Variants in UEVLD observed in about 807,000 individuals in gnomAD.
UEVLD encodes the protein ubiquitin-conjugating enzyme E2 variant 3.
Under a neutral mutation model 58.6 loss-of-function variants are expected in UEVLD, and 47 were observed. That is an observed-to-expected ratio of 0.80 (90% CI 0.63 to 1.02). The LOEUF (loss-of-function observed/expected upper bound fraction) is 1.02. UEVLD is among the 50% of genes least tolerant of loss of function. The probability of loss-of-function intolerance (pLI) is 0.00; values close to 1 mark genes in which losing one functional copy is unlikely to be tolerated. For synonymous variants in UEVLD, 197 were observed against 195.3 expected, an observed-to-expected ratio of 1.01 and a Z score of -0.07; for missense variants, 510 against 550.6, an observed-to-expected ratio of 0.93 and a Z score of 0.74.
In UEVLD at chr11:18,532,099, C is replaced by T. The variant is rs2133945893; in HGVS notation, c.*221G>A. The T allele has an allele frequency of 2.7e-6, 1 of 364,572 alleles. No homozygotes were observed. Among genetic ancestry groups the T allele is most frequent in the East Asian group, 4.5e-5 (1 of 22,362 alleles). 22.6% of individuals were successfully genotyped at this position (364,572 alleles called of 1,614,324 possible). A position where few individuals can be genotyped will look rare whatever the true frequency, so the allele number is the denominator to read the frequency against. On this transcript the variant is annotated 3_prime_UTR_variant, in exon 12 of 12. Transcript: ENST00000396197. ...CCCCTGCTGTAGATTTAAAGAACAG[C>T]ATAGATATCTCAAGAACCCCAAATA...
At chr11:18,535,906 G>A (rs1850773778) in intron 10 of UEVLD, among the ~76,000 whole-genome samples, 1 of 152,214 alleles carries the variant, frequency 6.6e-6, no homozygotes, top group African/African-American at 2.4e-5. Flanking sequence ...GGAGGCCAAG[G>A]CGGGTGGATC....
intron 6 of UEVLD, among the ~76,000 whole-genome samples, chr11:18,564,457 C>T (rs1852195207): frequency 1.3e-5 from 2 of 151,646 alleles, no homozygotes; most frequent in South Asian, 2.1e-4. Context: ...AAAAAACAAA[C>T]CCTAAACTAG....
At chr11:18,533,549 C>T (rs1481747330) in intron 11 of UEVLD, among the ~76,000 whole-genome samples, 1 of 152,066 alleles carries the variant, frequency 6.6e-6, no homozygotes, top group Admixed American at 6.6e-5. Flanking sequence ...TGATATTTGT[C>T]TTTCTGGCAC....
rs2134035791 is a variant in UEVLD, at chr11:18,570,218, C to T, written c.353G>A (p.Ser118Asn). ...RIYLPYLQNW[S>N]HPKSVIVGLI... ...GAAAATCCAAATTGATCTTACATGG[C>T]TCCAGTTTTGGAGATAGGGCAAATA... The change falls in exon 4 of 12, where the codon AGC becomes AAC. Residue 118 changes from serine to asparagine, a missense_variant. Coordinates refer to ENST00000396197, the MANE Select transcript of UEVLD (RefSeq NM_001040697.4). The T allele has an allele frequency of 1.3e-6, 2 of 1,583,784 alleles. No individual in the cohort carries two copies. Among genetic ancestry groups the T allele is most frequent in the East Asian group, 4.6e-5 (2 of 43,106 alleles).
At chr11:18,536,090 C>T (rs1248308635) in intron 10 of UEVLD, among the ~76,000 whole-genome samples, 14 of 152,152 alleles carry the variant, frequency 9.2e-5, no homozygotes, top group Admixed American at 9.2e-4. Context: ...GCCGAGATCG[C>T]GCCACTGCAC....
At position 18,531,720 on chromosome 11, in the gene UEVLD, T is replaced by A. The variant is rs1022576207; in HGVS notation, c.*600A>T. ...ACTGGAAATTAAAGTAAACTTTTAATGCATATATTTTAAAAATTCACTTTC... is the reference window on the plus strand; with the variant it reads ...ACTGGAAATTAAAGTAAACTTTTAAAGCATATATTTTAAAAATTCACTTTC... On this transcript the variant is annotated 3_prime_UTR_variant, in exon 12 of 12. Transcript: ENST00000396197. The A allele has an allele frequency of 2.0e-5, 3 of 152,256 alleles. No homozygotes were observed. The highest frequency in any genetic ancestry group is 2.9e-5 in the Non-Finnish European group (2 of 68,048). 9.4% of individuals were successfully genotyped at this position (152,256 alleles called of 1,614,324 possible).
At chr11:18,561,702 T>A (rs1287734466) in intron 6 of UEVLD, among the ~76,000 whole-genome samples, 1 of 151,754 alleles carries the variant, frequency 6.6e-6, no homozygotes, top group East Asian at 1.9e-4. Context: ...ATTACCCAGG[T>A]GTGGTGACGG....
intron 4 of UEVLD, among the ~76,000 whole-genome samples, chr11:18,567,644 TG>T (rs1311391366): frequency 6.6e-6 from 1 of 152,220 alleles, no homozygotes; most frequent in African/African-American, 2.4e-5. Flanking sequence ...CGAACTGTGC[TG>T]TTCAAACAAA....
intron 7 of UEVLD, among the ~76,000 whole-genome samples, chr11:18,555,380 C>T (rs1239237569): frequency 2.7e-5 from 4 of 150,456 alleles, no homozygotes; most frequent in Non-Finnish European, 5.9e-5. Context: ...GAGCCGAGAT[C>T]GTGCCACTGC....
rs770033701 is a variant in UEVLD, at chr11:18,578,809, C to T, written c.43-1G>A. 2.5e-6 allele frequency: 4 copies of T among 1,577,848 alleles called. No homozygotes were observed. The highest frequency in any genetic ancestry group is 3.4e-6 in the Non-Finnish European group (4 of 1,163,768). On this transcript the variant is annotated splice_acceptor_variant, in intron 1 of 11. Coordinates refer to ENST00000396197, the MANE Select transcript of UEVLD (RefSeq NM_001040697.4). LOFTEE classifies it high-confidence loss of function. ...CCACAGTTAGGTCCCTGAACTTGTA[C>T]TGAAAAGAGAAAAATAAGCATGGAG...
At chr11:18,567,578 T>C (rs1852362951) in intron 4 of UEVLD, among the ~76,000 whole-genome samples, 1 of 152,158 alleles carries the variant, frequency 6.6e-6, no homozygotes, top group Non-Finnish European at 1.5e-5. Context: ...GGAAACAGCA[T>C]GCCAATAGGC....
chr11:18,581,318 C>T (rs1419424834), intron 1 of UEVLD, among the ~76,000 whole-genome samples: 1 of 152,068 alleles, frequency 6.6e-6, no homozygotes, highest in Non-Finnish European at 1.5e-5. Flanking sequence ...ACACAAAGAA[C>T]ATCTAAGTTA....
chr11:18,559,396 A>G (rs557106115), intron 6 of UEVLD, among the ~76,000 whole-genome samples: 31 of 151,884 alleles, frequency 2.0e-4, no homozygotes, highest in African/African-American at 7.5e-4. Context: ...ATGGGGTTTC[A>G]CCATGTTGGC....
In UEVLD at chr11:18,588,721, G is replaced by C; in HGVS notation, c.-67C>G. On this transcript the variant is annotated 5_prime_UTR_variant, in exon 1 of 12. Coordinates refer to ENST00000396197, the MANE Select transcript of UEVLD (RefSeq NM_001040697.4). ...CGGACCTTCTTCCGGACTTGCTGCA[G>C]GACGGAAGCCGCTGAGGACCAAACT... 1 of 1,562,746 alleles carries C rather than the reference G, an allele frequency of 6.4e-7. No individual in the cohort carries two copies. Among genetic ancestry groups the C allele is most frequent in the Non-Finnish European group, 8.6e-7 (1 of 1,158,594 alleles).
chr11:18,548,492 A>G (rs1236690271), intron 7 of UEVLD, among the ~76,000 whole-genome samples: 1 of 152,072 alleles, frequency 6.6e-6, no homozygotes, highest in East Asian at 1.9e-4. Context: ...CAATGGTGCA[A>G]TCTCGGCTCA....
At position 18,559,724 on chromosome 11, in the gene UEVLD, A is replaced by G. The variant is rs541274664; in HGVS notation, c.613-1394T>C. Among the ~76,000 whole-genome samples the G allele has an allele frequency of 4.1e-3, 620 of 152,282 alleles. 4 individuals are homozygous for G. Among genetic ancestry groups the G allele is most frequent in the Non-Finnish European group, 5.2e-3 (357 of 68,034 alleles). On this transcript the variant is annotated intron_variant, in intron 6 of 11. Coordinates refer to ENST00000396197, the MANE Select transcript of UEVLD (RefSeq NM_001040697.4). ...GCTATAAAATCTAAAATCAAATCCT[A>G]TTATCATGCAGTACTCTCCCCAGAG...
chr11:18,533,377 T>TAAC (rs1321675482), intron 11 of UEVLD, among the ~76,000 whole-genome samples: 1 of 132,756 alleles, frequency 7.5e-6, no homozygotes. Context: ...AGATCAACTT[T>TAAC]AAAAAAAAAA....
At chr11:18,550,087 G>A (rs1454992881) in intron 7 of UEVLD, among the ~76,000 whole-genome samples, 2 of 152,182 alleles carry the variant, frequency 1.3e-5, no homozygotes, top group South Asian at 2.1e-4. Context: ...CTCCCAAAGT[G>A]CTGGGATTAC....
At chr11:18,585,854 T>A (rs1853527407) in intron 1 of UEVLD, among the ~76,000 whole-genome samples, 2 of 152,062 alleles carry the variant, frequency 1.3e-5, no homozygotes, top group Non-Finnish European at 2.9e-5. Flanking sequence ...AGGCTGCTCT[T>A]GAACTCCTGA....
Sources: allele counts gnomAD v4.1 joint callset (sites outside exome capture counted in the v4.1 genomes callset), GRCh38; gene constraint gnomAD v4.1.1; transcripts MANE v1.5; gene names NCBI Gene and HGNC (gene_info 2026-07-23, HGNC 2026-07-21).